Variants in GIT2 observed in about 807,000 individuals in gnomAD.
GIT2 encodes the protein ARF GTPase-activating protein GIT2.
Under a neutral mutation model 100.3 loss-of-function variants are expected in GIT2, and 32 were observed. The ratio of observed to expected loss-of-function variants is 0.32; its 90% confidence interval spans 0.24 to 0.43. The LOEUF (loss-of-function observed/expected upper bound fraction) is 0.43, where lower values mean the gene tolerates loss of function less well. GIT2 is among the 20% of genes least tolerant of loss of function. The pLI is 1.00. For synonymous variants in GIT2, 353 were observed against 364.1 expected, an observed-to-expected ratio of 0.97 and a Z score of 0.35; for missense variants, 737 against 975.1, an observed-to-expected ratio of 0.76 and a Z score of 3.25.
At chr12:109,959,999 A>G in intron 11 of GIT2, 41 bp from the exon 12 acceptor site, 1 of 1,279,134 alleles carries the variant, frequency 7.8e-7, no homozygotes, top group Non-Finnish European at 1.1e-6. Flanking sequence ...CCCAGTGTAA[A>G]AATATATACA....
At chr12:109,993,475 G>A (rs1008021253) in intron 1 of GIT2, among the ~76,000 whole-genome samples, 21 of 152,140 alleles carry the variant, frequency 1.4e-4, no homozygotes, top group African/African-American at 5.1e-4. Flanking sequence ...TAAGAGGGTT[G>A]GCTCTAGAGA....
At chr12:109,963,503 C>A (rs73419563) in intron 9 of GIT2, among the ~76,000 whole-genome samples, 1 of 152,160 alleles carries the variant, frequency 6.6e-6, no homozygotes, top group African/African-American at 2.4e-5. Context: ...TACTATTGTC[C>A]CATTTTTAAG....
At position 109,933,180 on chromosome 12, in the gene GIT2, G is replaced by A; in HGVS notation, c.2078C>T (p.Ser693Phe). The A allele has an allele frequency of 3.9e-6, 6 of 1,551,718 alleles. No homozygotes were observed. The highest frequency in any genetic ancestry group is 5.2e-6 in the Non-Finnish European group (6 of 1,143,802). The change falls in exon 20 of 20, where the codon TCT becomes TTT. Residue 693 changes from serine to phenylalanine, a missense_variant. Physicochemically the swap from Ser to Phe is radical, Grantham distance 155 (BLOSUM62 -2). Transcript: ENST00000355312. The surrounding 1 kb of genome is among the most constrained non-coding windows in gnomAD (Gnocchi z 4.5). ...ACGAAGGGAAGTCCTCACCATATCA[G>A]ACTTGGGTTTCTAAAAGGAAAAAGA... Reference protein sequence around the residue: ...MAALFPKKPKSDMVRTSLRLL... With the variant: ...MAALFPKKPKFDMVRTSLRLL...
intron 2 of GIT2, 134 bp from the exon 3 acceptor site, chr12:109,989,936 T>C (rs995940141): frequency 3.1e-6 from 2 of 651,164 alleles, no homozygotes; most frequent in African/African-American, 3.7e-5. Flanking sequence ...TATCATTGTT[T>C]TCTGATTTGA....
intron 7 of GIT2, among the ~76,000 whole-genome samples, chr12:109,973,628 G>A (rs184463637): frequency 3.3e-5 from 5 of 151,436 alleles, no homozygotes; most frequent in Non-Finnish European, 5.9e-5. Flanking sequence ...TTGATTTTTC[G>A]CTACTGTTTC....
At position 109,938,459 on chromosome 12, in the gene GIT2, C is replaced by A; in HGVS notation, c.1924G>T (p.Asp642Tyr). 3.1e-6 allele frequency: 5 copies of A among 1,613,976 alleles called. No homozygotes were observed. Among genetic ancestry groups the A allele is most frequent in the Non-Finnish European group, 4.2e-6 (5 of 1,179,864 alleles). The stretch of plus-strand genomic sequence containing the variant: ...ATCTGTTCAGTCTTCCTGATGACAT[C>A]TTCGGTGCTAGGGAGAGTGGGGCTT... ...APSPTLPSTE[D>Y]VIRKTEQITK... Residue 642 changes from aspartate to tyrosine, a missense_variant, in exon 18 of 20, where the codon GAT becomes TAT. Transcript: ENST00000355312.
intron 16 of GIT2, 90 bp downstream of exon 16, chr12:109,945,170 A>T: frequency 1.4e-6 from 1 of 707,890 alleles, no homozygotes; most frequent in Admixed American, 2.0e-5. Flanking sequence ...AAGGGCAGTT[A>T]GCAGGGACAG....
Position 109,947,713 on chromosome 12 carries a change from A to T in GIT2, c.1393-209T>A. The stretch of plus-strand genomic sequence containing the variant: ...TCCCTTCATCACGTAAGCAAATTAA[A>T]TAGCTTCATTTCTGAATGTGGAAAA... On this transcript the variant is annotated intron_variant, in intron 14 of 19. Coordinates refer to ENST00000355312, the MANE Select transcript of GIT2 (RefSeq NM_057169.5). This position sits in a 1 kb window ranked among gnomAD's most constrained non-coding sequence, Gnocchi z 4.3. 1.8e-6 allele frequency: 1 copy of T among 542,864 alleles called. No homozygotes were observed. Among genetic ancestry groups the T allele is most frequent in the Non-Finnish European group, 3.3e-6 (1 of 305,998 alleles). 33.6% of individuals were successfully genotyped at this position (542,864 alleles called of 1,614,324 possible).
intron 15 of GIT2, among the ~76,000 whole-genome samples, chr12:109,946,225 T>G (rs991948948): frequency 1.3e-5 from 2 of 152,158 alleles, no homozygotes; most frequent in African/African-American, 4.8e-5. Flanking sequence ...CCCAAATATC[T>G]TAAAAAGAAT....
chr12:109,960,435 C>G (rs1880768324), intron 11 of GIT2, among the ~76,000 whole-genome samples: 1 of 151,986 alleles, frequency 6.6e-6, no homozygotes. Context: ...CAAAAATTAG[C>G]CAGGCATGGT....
At chr12:109,999,616 G>A (rs2137058250), upstream of GIT2, 5 of 1,297,160 alleles carry the variant, frequency 3.9e-6, no homozygotes, top group East Asian at 6.0e-5. This position sits in a 1 kb window ranked among gnomAD's most constrained non-coding sequence, Gnocchi z 4.3. Flanking sequence ...AGGGCAGGCA[G>A]GCGGGCGCGG....
chr12:109,938,029 T>G (rs1352987871), intron 18 of GIT2, among the ~76,000 whole-genome samples: 1 of 152,270 alleles, frequency 6.6e-6, no homozygotes, highest in African/African-American at 2.4e-5. Flanking sequence ...TCAGCGGCCT[T>G]GTCCTTAGCC....
rs1333403159 is a variant in GIT2 at position 109,939,223 on chromosome 12, T to C, written c.1756A>G (p.Ser586Gly). 6.2e-7 allele frequency: 1 copy of C among 1,609,204 alleles called. No individual in the cohort carries two copies. The highest frequency in any genetic ancestry group is 8.5e-7 in the Non-Finnish European group (1 of 1,175,736). The change falls in exon 17 of 20, where the codon AGC becomes GGC. Residue 586 changes from serine (S) to glycine (G), a missense_variant. Ser to Gly is a moderately conservative substitution (Grantham distance 56). Coordinates refer to ENST00000355312, the MANE Select transcript of GIT2 (RefSeq NM_057169.5). Reference sequence around the variant, plus strand: ...TTGTCGTAGTCACTCTCAGGTGTGCTGTTCTGCTTCTCCAGCCTGGATGCC... The same window carrying C: ...TTGTCGTAGTCACTCTCAGGTGTGCCGTTCTGCTTCTCCAGCCTGGATGCC... ...RRASRLEKQNSTPESDYDNTP... is the reference protein window; with the variant it reads ...RRASRLEKQNGTPESDYDNTP...
intron 8 of GIT2, among the ~76,000 whole-genome samples, chr12:109,965,964 C>T (rs138178074): frequency 0.048 from 7,266 of 150,010 alleles, 256 homozygotes; most frequent in South Asian, 0.15. Context: ...CGTTGGGAGG[C>T]CGAGGTGGGA....
intron 14 of GIT2, chr12:109,949,102 C>G (rs1877132284): frequency 1.9e-6 from 1 of 519,792 alleles, no homozygotes; most frequent in African/African-American, 1.9e-5. Flanking sequence ...CAAAGGCTGG[C>G]AGGGTATAGC....
intron 12 of GIT2, chr12:109,953,892 A>C (rs1160224466): frequency 6.6e-6 from 1 of 152,240 alleles, no homozygotes; most frequent in Non-Finnish European, 1.5e-5. Flanking sequence ...CATGAAGATA[A>C]GGCTGTAGGT....
chr12:109,972,096 G>C (rs1884033631), intron 7 of GIT2, among the ~76,000 whole-genome samples: 1 of 152,044 alleles, frequency 6.6e-6, no homozygotes, highest in Admixed American at 6.6e-5. Flanking sequence ...CCTTTTTGTA[G>C]GTTCCTTGTG....
chr12:109,961,353 G>A lies in GIT2; in HGVS notation c.912C>T (p.His304=), dbSNP rs758914009. Residue 304 remains histidine, a synonymous_variant, in exon 11 of 20, where the codon CAC becomes CAT. Transcript: ENST00000355312. The stretch of plus-strand genomic sequence containing the variant: ...CCGTTGTCTCGGTTACCAGGGCGCT[G>A]TGGTTTTGCGTGGCAAGCCAGACTA... ...TDAVWLATQN[H]SALVTETTVV... is the part of the protein sequence containing the mutation. 11 of 1,612,376 alleles carry A rather than the reference G, an allele frequency of 6.8e-6. No individual in the cohort carries two copies. The highest frequency in any genetic ancestry group is 5.5e-5 in the South Asian group (5 of 91,038).
At chr12:109,959,067 T>A (rs1880335144) in intron 12 of GIT2, among the ~76,000 whole-genome samples, 1 of 151,144 alleles carries the variant, frequency 6.6e-6, no homozygotes, top group Non-Finnish European at 1.5e-5. Flanking sequence ...GTTTTTCTTT[T>A]CCGTTTTTTT....
Sources: gnomAD v4.1 joint callset for allele counts (sites outside exome capture counted in the v4.1 genomes callset) on GRCh38, gnomAD v4.1.1 for gene constraint, Gnocchi (gnomAD v3.1) non-coding constraint, MANE v1.5 for transcripts, NCBI Gene and HGNC (gene_info 2026-07-23, HGNC 2026-07-21) for gene names.